Variants in MTUS1 observed in about 807,000 individuals in gnomAD.
The protein encoded by MTUS1 is microtubule associated scaffold protein 1.
Under a neutral mutation model 120.8 loss-of-function variants are expected in MTUS1, and 109 were observed. The ratio of observed to expected loss-of-function variants is 0.90; its 90% CI spans 0.77 to 1.06. MTUS1 has a LOEUF of 1.06. Ranked by LOEUF, MTUS1 falls within the 50% of genes least tolerant of loss-of-function variation. The pLI is 0.00. For missense variants in MTUS1, 2,210 were observed against 1,486.3 expected (o/e 1.49, Z -8.01); for synonymous variants, 737 against 550.5 (o/e 1.34, Z -4.74).
Position 17,793,190 on chromosome 8 carries a change from G to A in MTUS1, c.-155+7871C>T, listed in dbSNP as rs564454205. On this transcript the variant is annotated intron_variant, in intron 1 of 14. Coordinates refer to ENST00000693296, the MANE Select transcript of MTUS1 (RefSeq NM_001363059.2). ...CATGAGTGGAATCAATTACGTACAT[G>A]TATTTGCACATGGGTATGCCAGATG... is the stretch of plus-strand genomic sequence containing the variant. Among the ~76,000 whole-genome samples the A allele has an allele frequency of 1.1e-4, 16 of 152,304 alleles. No individual in the cohort carries two copies. The South Asian group carries it at 2.9e-3, about 28-fold the overall frequency.
intron 6 of MTUS1, among the ~76,000 whole-genome samples, chr8:17,711,707 G>A (rs1410660047): frequency 6.6e-6 from 1 of 152,162 alleles, no homozygotes; most frequent in East Asian, 1.9e-4. Flanking sequence ...CTTGGCACAA[G>A]AGACCTGGCT....
At chr8:17,648,870 C>T (rs1461770238) in intron 13 of MTUS1, among the ~76,000 whole-genome samples, 3 of 152,328 alleles carry the variant, frequency 2.0e-5, no homozygotes, top group East Asian at 1.9e-4. Flanking sequence ...CAAGGCACCG[C>T]GAGGGCGGGG....
chr8:17,654,880 G>A (rs1807865825), intron 9 of MTUS1: 3 of 570,620 alleles, frequency 5.3e-6, no homozygotes, highest in Non-Finnish European at 9.4e-6. Flanking sequence ...TTGGAGCCCA[G>A]CAGTTCAAGT....
intron 6 of MTUS1, among the ~76,000 whole-genome samples, chr8:17,688,543 C>T (rs1470768002): frequency 1.3e-5 from 2 of 152,208 alleles, no homozygotes; most frequent in Non-Finnish European, 1.5e-5. Context: ...TCTCTGCTAG[C>T]GGCATGGACA....
intron 6 of MTUS1, among the ~76,000 whole-genome samples, chr8:17,702,882 CAT>C (rs988670036): frequency 6.6e-6 from 1 of 152,170 alleles, no homozygotes; most frequent in Non-Finnish European, 1.5e-5. Flanking sequence ...GCAGAGGAAA[CAT>C]AAATTGTGAC....
chr8:17,696,164 C>G (rs1318065335), intron 6 of MTUS1, among the ~76,000 whole-genome samples: 1 of 152,146 alleles, frequency 6.6e-6, no homozygotes, highest in Non-Finnish European at 1.5e-5. Context: ...CTCCTCCTCG[C>G]TGCCTCCCCC....
At position 17,752,755 on chromosome 8, in the gene MTUS1, T is replaced by C. The variant is rs544591821; in HGVS notation, c.2091+962A>G. Among the ~76,000 whole-genome samples, 26 of 152,226 alleles carry C rather than the reference T, an allele frequency of 1.7e-4. 2 individuals are homozygous for C. The South Asian group carries it at 4.8e-3, about 28-fold the overall frequency. Reference sequence around the variant, plus strand: ...AGGCTGTCTGTGTCACACCTGCCTTTCTCCGCTGGCACTTAGCTCCCTTCC... The same window carrying C: ...AGGCTGTCTGTGTCACACCTGCCTTCCTCCGCTGGCACTTAGCTCCCTTCC... On this transcript the variant is annotated intron_variant, in intron 2 of 14. Coordinates refer to ENST00000693296, the MANE Select transcript of MTUS1 (RefSeq NM_001363059.2).
intron 1 of MTUS1, among the ~76,000 whole-genome samples, chr8:17,784,827 C>G (rs1241073830): frequency 1.3e-5 from 2 of 152,052 alleles, no homozygotes; most frequent in Non-Finnish European, 2.9e-5. Flanking sequence ...CTCTATCACC[C>G]AGGCTGGAGT....
chr8:17,776,199 C>T (rs2050418712), intron 1 of MTUS1, among the ~76,000 whole-genome samples: 1 of 152,054 alleles, frequency 6.6e-6, no homozygotes, highest in South Asian at 2.1e-4. Context: ...AATGTATTTA[C>T]ATAGCACTTA....
intron 13 of MTUS1, among the ~76,000 whole-genome samples, chr8:17,648,066 C>T (rs926209944): frequency 2.6e-5 from 4 of 152,104 alleles, no homozygotes; most frequent in African/African-American, 7.2e-5. Flanking sequence ...GGAAAAAAAC[C>T]TGGAATTTGA....
rs192707376 is a variant in MTUS1 at position 17,706,371 on chromosome 8, C to A, written c.2623+6843G>T. On this transcript the variant is annotated intron_variant, in intron 6 of 14. Coordinates refer to ENST00000693296, the MANE Select transcript of MTUS1 (RefSeq NM_001363059.2). The stretch of plus-strand genomic sequence containing the variant: ...AGGACACAAATAGAAAGCAGCAGGA[C>A]GAAGGTTTAAACCAACATCCCGTGC... Among the ~76,000 whole-genome samples the A allele has an allele frequency of 1.9e-3, 294 of 152,146 alleles. 5 individuals carry two copies. The highest frequency in any genetic ancestry group is 6.9e-3 in the African/African-American group (288 of 41,522).
chr8:17,645,592 A>AT lies in MTUS1; in HGVS notation c.*333dup, dbSNP rs1263730663. On this transcript the variant is annotated 3_prime_UTR_variant, in exon 15 of 15. Coordinates refer to ENST00000693296, the MANE Select transcript of MTUS1 (RefSeq NM_001363059.2). ...AACATTACAAAGGTTATAAATCTTA[A>AT]TAGGGCCCTGAGAGTTTTTCCCCCT... is the stretch of plus-strand genomic sequence containing the variant. 2.9e-5 allele frequency: 6 copies of AT among 208,612 alleles called. No individual in the cohort carries two copies. The highest frequency in any genetic ancestry group is 5.7e-5 in the Non-Finnish European group (6 of 104,606). The allele number at this position is 208,612 out of a possible 1,614,324, so 12.9% of individuals were successfully genotyped here.
At chr8:17,718,054 C>A (rs1822672395) in intron 4 of MTUS1, among the ~76,000 whole-genome samples, 1 of 152,206 alleles carries the variant, frequency 6.6e-6, no homozygotes, top group South Asian at 2.1e-4. Flanking sequence ...ACAACCTGTA[C>A]TGAGCTGAAC....
At chr8:17,691,913 G>A (rs1337419686) in intron 6 of MTUS1, 1 of 152,110 alleles carries the variant, frequency 6.6e-6, no homozygotes, top group African/African-American at 2.4e-5. Context: ...TCTTCCCAAT[G>A]TATTTTATAA....
At chr8:17,708,397 G>T (rs1820581674) in intron 6 of MTUS1, among the ~76,000 whole-genome samples, 1 of 152,224 alleles carries the variant, frequency 6.6e-6, no homozygotes, top group East Asian at 1.9e-4. Flanking sequence ...CAACAATGAG[G>T]TATCACTTCA....
At chr8:17,728,930 A>G (rs2046388829) in intron 3 of MTUS1, among the ~76,000 whole-genome samples, 1 of 152,180 alleles carries the variant, frequency 6.6e-6, no homozygotes, top group Admixed American at 6.5e-5. Context: ...GAGAAGTGAG[A>G]ATTTTAACTA....
intron 1 of MTUS1, among the ~76,000 whole-genome samples, chr8:17,769,150 T>C (rs956142497): frequency 2.0e-5 from 3 of 151,746 alleles, no homozygotes; most frequent in Admixed American, 1.3e-4. Flanking sequence ...AGTATAAAGA[T>C]TCCAGACAAA....
chr8:17,680,143 G>C (rs1814049515), intron 7 of MTUS1, among the ~76,000 whole-genome samples: 1 of 152,068 alleles, frequency 6.6e-6, no homozygotes, highest in Non-Finnish European at 1.5e-5. Flanking sequence ...ACAGAACGTA[G>C]ATCTAGAAGG....
chr8:17,672,300 T>C (rs1253391041), intron 8 of MTUS1, among the ~76,000 whole-genome samples: 6 of 151,972 alleles, frequency 3.9e-5, no homozygotes, highest in Non-Finnish European at 8.8e-5. Flanking sequence ...TGCTTTACAA[T>C]GCATTACCTC....
Sources: allele counts gnomAD v4.1 joint callset (sites outside exome capture counted in the v4.1 genomes callset), GRCh38; gene constraint gnomAD v4.1.1; transcripts MANE v1.5; gene names NCBI Gene and HGNC (gene_info 2026-07-23, HGNC 2026-07-21).